The following ERLEC1 variants were observed in gnomAD, a reference collection of about 807,000 sequenced individuals.
ERLEC1 encodes ER lectin.
A neutral mutation model predicts 68.0 loss-of-function variants in ERLEC1; 47 were observed. The observed-to-expected ratio is 0.69, with a 90% CI of 0.55 to 0.88. The LOEUF is 0.88. ERLEC1 is among the 40% of genes least tolerant of loss of function. The pLI, the probability that ERLEC1 is intolerant of heterozygous loss-of-function variation, is 0.00. For missense variants in ERLEC1, 567 were observed against 583.8 expected, an observed-to-expected ratio of 0.97 and a Z score of 0.30; for synonymous variants, 225 against 203.2, an observed-to-expected ratio of 1.11 and a Z score of -0.91.
chr2:53,804,575 C>T (rs1377902495), intron 8 of ERLEC1, among the ~76,000 whole-genome samples: 3 of 152,014 alleles, frequency 2.0e-5, no homozygotes, highest in African/African-American at 7.2e-5. Context: ...CACGTGTGGC[C>T]GGGTACATGA....
At chr2:53,795,912 T>G (rs1468269436) in intron 2 of ERLEC1, 21 bp from the exon 3 acceptor site, 1 of 1,534,306 alleles carries the variant, frequency 6.5e-7, no homozygotes, top group Non-Finnish European at 8.9e-7. Context: ...CTGTAAGTAT[T>G]AAACTCCAAT....
chr2:53,798,280 T>A (rs916663652), intron 5 of ERLEC1, among the ~76,000 whole-genome samples: 9 of 151,964 alleles, frequency 5.9e-5, no homozygotes, highest in Non-Finnish European at 1.2e-4. Flanking sequence ...TTTTTTTTTT[T>A]AGACAGATTC....
Position 53,797,747 on chromosome 2 carries a change from G to A in ERLEC1, c.442G>A (p.Glu148Lys), listed in dbSNP as rs139726775. Residue 148 changes from glutamate to lysine, a missense_variant, in exon 5 of 14, where the codon GAG (glutamate) becomes AAG (lysine). By Grantham distance (56) the Glu-to-Lys change is moderately conservative. Transcript: ENST00000185150. ...TTCAATGTAGAAAATAAATATTCAC[G>A]AGTACTACCTTGGGAATATGTTGGC... is the stretch of plus-strand genomic sequence containing the variant. ...KETGQKINIH[E>K]YYLGNMLAKN... is the part of the protein sequence containing the mutation. 18 of 1,611,740 alleles carry A rather than the reference G, an allele frequency of 1.1e-5. No individual in the cohort carries two copies. In the African/African-American group the frequency reaches 1.7e-4, roughly 16 times the overall value.
intron 13 of ERLEC1, among the ~76,000 whole-genome samples, chr2:53,816,811 G>C (rs1676922444): frequency 6.6e-6 from 1 of 151,982 alleles, no homozygotes; most frequent in Non-Finnish European, 1.5e-5. Context: ...TAAGCTTCTT[G>C]GATTTGTGGG....
intron 12 of ERLEC1, 110 bp from the exon 13 acceptor site, chr2:53,814,750 A>G: frequency 1.0e-6 from 1 of 977,010 alleles, no homozygotes; most frequent in Non-Finnish European, 1.6e-6. Context: ...TGATAAAATT[A>G]TATTAAATCA....
intron 1 of ERLEC1, among the ~76,000 whole-genome samples, chr2:53,792,246 A>G (rs1202574367): frequency 6.9e-6 from 1 of 144,020 alleles, no homozygotes; most frequent in Non-Finnish European, 1.5e-5. Context: ...TAAGTTGCCC[A>G]GGCTGGGGTC....
At chr2:53,809,420 G>A (rs1676470408) in intron 10 of ERLEC1, 147 bp downstream of exon 10, 1 of 599,056 alleles carries the variant, frequency 1.7e-6, no homozygotes, top group Non-Finnish European at 2.8e-6. Context: ...CCAAATTTTG[G>A]AAAATGGAAC....
At chr2:53,815,004 T>C (rs995719446) in intron 13 of ERLEC1, 69 bp downstream of exon 13, 22 of 964,940 alleles carry the variant, frequency 2.3e-5, no homozygotes, top group African/African-American at 3.4e-5. Context: ...TCTTTTTTTT[T>C]TTTTTTTTTT....
At chr2:53,796,640 G>A (rs1573073212) in intron 3 of ERLEC1, among the ~76,000 whole-genome samples, 1 of 151,674 alleles carries the variant, frequency 6.6e-6, no homozygotes, top group African/African-American at 2.4e-5. Context: ...TAAAAATGAG[G>A]TTTTTCACAG....
chr2:53,811,978 C>T (rs373667888), intron 10 of ERLEC1, among the ~76,000 whole-genome samples: 1 of 152,110 alleles, frequency 6.6e-6, no homozygotes, highest in Non-Finnish European at 1.5e-5. Flanking sequence ...AGTGCAATGG[C>T]GCAATCTTGG....
At position 53,816,878 on chromosome 2, in the gene ERLEC1, T is replaced by C. The variant is rs537726549; in HGVS notation, c.1381-1020T>C. ...TGGACATTATCTCCTCAAAGATTTA[T>C]TCTGCTCCATTCTTTTTCTCCTCTA... On this transcript the variant is annotated intron_variant, in intron 13 of 13. Transcript: ENST00000185150. 9.2e-4 allele frequency among the ~76,000 whole-genome samples: 140 copies of C among 152,312 alleles called. 1 individual carries two copies. The highest frequency in any genetic ancestry group is 3.4e-3 in the African/African-American group (140 of 41,582).
chr2:53,812,084 AT>A (rs1676620777), intron 10 of ERLEC1, among the ~76,000 whole-genome samples: 1 of 152,154 alleles, frequency 6.6e-6, no homozygotes, highest in Non-Finnish European at 1.5e-5. Context: ...CGCCCGGCTA[AT>A]TTTGTATTTT....
At chr2:53,795,062 T>C (rs1675616153) in intron 2 of ERLEC1, among the ~76,000 whole-genome samples, 1 of 152,230 alleles carries the variant, frequency 6.6e-6, no homozygotes, top group African/African-American at 2.4e-5. Context: ...ATGTGACTTT[T>C]TAAATAAATG....
At chr2:53,817,855 T>C in intron 13 of ERLEC1, 43 bp from the exon 14 acceptor site, 1 of 1,233,660 alleles carries the variant, frequency 8.1e-7, no homozygotes, top group Non-Finnish European at 1.2e-6. Context: ...CTGAAAAGTA[T>C]TCAGCTTAGC....
At chr2:53,804,589 A>G (rs1176776348) in intron 8 of ERLEC1, among the ~76,000 whole-genome samples, 1 of 152,138 alleles carries the variant, frequency 6.6e-6, no homozygotes, top group Admixed American at 6.6e-5. Context: ...TACATGAGAT[A>G]TTTTGATACA....
chr2:53,817,817 C>G (rs1208025818), intron 13 of ERLEC1, 81 bp from the exon 14 acceptor site: 9 of 774,302 alleles, frequency 1.2e-5, no homozygotes, highest in Admixed American at 7.6e-5. Flanking sequence ...GCAAATATAA[C>G]TACATGTATC....
At chr2:53,788,580 T>C (rs1291472322) in intron 1 of ERLEC1, 2 of 151,526 alleles carry the variant, frequency 1.3e-5, no homozygotes, top group Non-Finnish European at 2.9e-5. Context: ...TTTTTTTTTC[T>C]AGAGGCAGGG....
chr2:53,787,284 T>C lies in ERLEC1; in HGVS notation c.74T>C (p.Leu25Pro). ...GTGTTACTGGTCCTCTGCGGCCTCCTGGAGGCGTCCGGCGGCGGCCGAGCC... is the reference window on the plus strand; with the variant it reads ...GTGTTACTGGTCCTCTGCGGCCTCCCGGAGGCGTCCGGCGGCGGCCGAGCC... ...GPVLLVLCGL[L>P]EASGGGRALP... is the part of the protein sequence containing the mutation. Residue 25 changes from leucine (L) to proline (P), a missense_variant, in exon 1 of 14, where the codon CTG becomes CCG. Transcript: ENST00000185150. 6.2e-7 allele frequency: 1 copy of C among 1,609,512 alleles called. No individual in the cohort carries two copies. The highest frequency in any genetic ancestry group is 8.5e-7 in the Non-Finnish European group (1 of 1,179,972).
At chr2:53,815,879 G>A (rs1676849776) in intron 13 of ERLEC1, among the ~76,000 whole-genome samples, 1 of 152,162 alleles carries the variant, frequency 6.6e-6, no homozygotes, top group South Asian at 2.1e-4. Context: ...TATGTGTTGA[G>A]AACATTTCAG....
Sources: gnomAD v4.1 joint callset for allele counts (sites outside exome capture counted in the v4.1 genomes callset) on GRCh38, gnomAD v4.1.1 for gene constraint, MANE v1.5 for transcripts, NCBI Gene and HGNC (gene_info 2026-07-23, HGNC 2026-07-21) for gene names.